ITGA9: variants seen among roughly 807,000 people sequenced by gnomAD.
ITGA9 encodes the protein integrin subunit alpha 9.
Under a neutral mutation model 127.8 loss-of-function variants are expected in ITGA9, and 56 were observed. That is an observed-to-expected ratio of 0.44 (90% CI 0.35 to 0.55). The LOEUF (loss-of-function observed/expected upper bound fraction) is 0.55, where lower values mean the gene tolerates loss of function less well. Among genes scored for constraint, ITGA9 ranks in the 20% least tolerant of loss-of-function variants. ITGA9 has a pLI of 0.00. For synonymous variants in ITGA9, 508 were observed against 514.5 expected (o/e 0.99, Z 0.17); for missense variants, 1,196 against 1,347.1 (o/e 0.89, Z 1.76).
At chr3:37,732,482 G>A (rs1483434259) in intron 18 of ITGA9, among the ~76,000 whole-genome samples, 3 of 152,298 alleles carry the variant, frequency 2.0e-5, no homozygotes, top group South Asian at 2.1e-4. Flanking sequence ...TGAACCCAAA[G>A]CATTAGTTAG....
chr3:37,608,749 A>G (rs897625810), intron 15 of ITGA9, among the ~76,000 whole-genome samples: 3 of 152,138 alleles, frequency 2.0e-5, no homozygotes, highest in Non-Finnish European at 4.4e-5. Flanking sequence ...CAACTCTTTT[A>G]TGGTGTGTTT....
intron 15 of ITGA9, among the ~76,000 whole-genome samples, chr3:37,618,646 C>T (rs1355620433): frequency 6.6e-6 from 1 of 152,228 alleles, no homozygotes; most frequent in African/African-American, 2.4e-5. Context: ...TTAACCTAGT[C>T]AAGCCTTGGC....
chr3:37,489,122 A>G (rs1316800366), intron 4 of ITGA9, among the ~76,000 whole-genome samples: 1 of 152,210 alleles, frequency 6.6e-6, no homozygotes, highest in African/African-American at 2.4e-5. Flanking sequence ...TAATGTCCTC[A>G]AGGTGTATCC....
chr3:37,533,430 G>C lies in ITGA9; in HGVS notation c.1490G>C (p.Cys497Ser). Residue 497 changes from cysteine to serine, a missense_variant, in exon 14 of 28, where the codon TGC becomes TCC. Transcript: ENST00000264741. ...QPVNCLNVTT[C>S]FSFHGKHVPG... is the part of the protein sequence containing the mutation. ...GTGAACTGCCTGAACGTCACCACCT[G>C]CTTCAGCTTCCATGGCAAACACGTT... is the stretch of plus-strand genomic sequence containing the variant. The C allele has an allele frequency of 1.2e-6, 2 of 1,614,192 alleles. No individual in the cohort carries two copies. Among genetic ancestry groups the C allele is most frequent in the East Asian group, 2.2e-5 (1 of 44,878 alleles).
chr3:37,614,380 G>A (rs1338821724), intron 15 of ITGA9, among the ~76,000 whole-genome samples: 2 of 152,172 alleles, frequency 1.3e-5, no homozygotes, highest in Non-Finnish European at 2.9e-5. Context: ...TTGTAGTATA[G>A]TTTGAAGTCA....
intron 23 of ITGA9, among the ~76,000 whole-genome samples, chr3:37,775,420 G>A (rs1307144166): frequency 4.6e-5 from 7 of 152,140 alleles, no homozygotes; most frequent in South Asian, 2.1e-4. Context: ...CGAGGCGGGC[G>A]GATCATGAGG....
At chr3:37,529,385 G>T (rs1699126354) in intron 13 of ITGA9, among the ~76,000 whole-genome samples, 1 of 152,114 alleles carries the variant, frequency 6.6e-6, no homozygotes, top group Non-Finnish European at 1.5e-5. Flanking sequence ...GAGACTTGTT[G>T]GAGGTGGCAG....
intron 3 of ITGA9, among the ~76,000 whole-genome samples, chr3:37,474,158 G>A (rs1205008668): frequency 6.6e-5 from 10 of 152,062 alleles, no homozygotes; most frequent in Non-Finnish European, 7.3e-5. Flanking sequence ...ATTTTGATCC[G>A]TAGGTGCTTT....
At chr3:37,796,097 T>A (rs1440195197) in intron 26 of ITGA9, among the ~76,000 whole-genome samples, 2 of 152,136 alleles carry the variant, frequency 1.3e-5, no homozygotes, top group Non-Finnish European at 2.9e-5. Context: ...CACTGTCCAA[T>A]GGCAGTGTCT....
chr3:37,511,645 A>G (rs575055530), intron 8 of ITGA9, among the ~76,000 whole-genome samples: 42 of 152,218 alleles, frequency 2.8e-4, no homozygotes, highest in Admixed American at 5.9e-4. Context: ...AGTGACTGGC[A>G]ACTCGGTTTC....
intron 19 of ITGA9, among the ~76,000 whole-genome samples, chr3:37,734,216 A>G (rs184792901): frequency 5.9e-5 from 9 of 152,348 alleles, no homozygotes. Flanking sequence ...AAAATGGATT[A>G]CATGTGGATG....
At chr3:37,627,463 C>T (rs567424070) in intron 15 of ITGA9, among the ~76,000 whole-genome samples, 68 of 152,164 alleles carry the variant, frequency 4.5e-4, no homozygotes, top group Non-Finnish European at 9.0e-4. Flanking sequence ...CCCGCAGCCC[C>T]GAGGAACTCT....
At chr3:37,735,075 A>C (rs75904397) in intron 19 of ITGA9, among the ~76,000 whole-genome samples, 1 of 152,136 alleles carries the variant, frequency 6.6e-6, no homozygotes, top group Non-Finnish European at 1.5e-5. Context: ...GCTAAGCCTC[A>C]TGGCTATACT....
chr3:37,537,042 T>G (rs1016472131), intron 14 of ITGA9, among the ~76,000 whole-genome samples: 3 of 152,236 alleles, frequency 2.0e-5, no homozygotes, highest in African/African-American at 7.2e-5. Flanking sequence ...AGCCTCCAGA[T>G]GGGTTCAATT....
intron 18 of ITGA9, among the ~76,000 whole-genome samples, chr3:37,695,964 G>T (rs1700881195): frequency 6.6e-6 from 1 of 152,124 alleles, no homozygotes; most frequent in South Asian, 2.1e-4. Context: ...ATACTCCAAG[G>T]CTGGGCTTTC....
intron 17 of ITGA9, among the ~76,000 whole-genome samples, chr3:37,654,164 A>T (rs1700454453): frequency 6.6e-6 from 1 of 151,132 alleles, no homozygotes; most frequent in South Asian, 2.1e-4. Flanking sequence ...TCCTATTATT[A>T]AATAAAGGTT....
chr3:37,595,965 G>A (rs1699866365), intron 15 of ITGA9, among the ~76,000 whole-genome samples: 1 of 152,196 alleles, frequency 6.6e-6, no homozygotes, highest in African/African-American at 2.4e-5. Context: ...GATTCATCAG[G>A]TCAGTCAAGC....
chr3:37,815,717 A>C (rs1022824439), intron 27 of ITGA9, among the ~76,000 whole-genome samples: 13 of 152,208 alleles, frequency 8.5e-5, no homozygotes, highest in Non-Finnish European at 1.8e-4. Context: ...GTCAGCAAAA[A>C]AAATATTGAG....
chr3:37,539,477 G>A (rs1699245347), intron 14 of ITGA9, among the ~76,000 whole-genome samples: 1 of 152,188 alleles, frequency 6.6e-6, no homozygotes, highest in Non-Finnish European at 1.5e-5. Flanking sequence ...AATTCTTGGG[G>A]GCAGGCCAGT....
Sources: allele counts gnomAD v4.1 joint callset (sites outside exome capture counted in the v4.1 genomes callset), GRCh38; gene constraint gnomAD v4.1.1; transcripts MANE v1.5; gene names NCBI Gene and HGNC (gene_info 2026-07-23, HGNC 2026-07-21).